HSD17B14: variants seen among roughly 807,000 people sequenced by gnomAD.
The protein encoded by HSD17B14 is L-fucose dehydrogenase.
In HSD17B14, 32 loss-of-function variants were observed where a neutral mutation model predicts 32.2. The ratio of observed to expected loss-of-function variants is 0.99; its 90% CI spans 0.75 to 1.33. The LOEUF (loss-of-function observed/expected upper bound fraction) is 1.33. Ranked by LOEUF, HSD17B14 falls within the 40% of genes most tolerant of loss-of-function variation. HSD17B14 has a pLI of 0.00. For synonymous variants in HSD17B14, 140 were observed against 155.4 expected, an observed-to-expected ratio of 0.90 and a Z score of 0.74; for missense variants, 370 against 366.5, an observed-to-expected ratio of 1.01 and a Z score of -0.08.
Position 48,813,096 on chromosome 19 carries a change from T to A in HSD17B14, c.*79A>T, listed in dbSNP as rs1200502249. The A allele has an allele frequency of 1.1e-6, 1 of 915,624 alleles. No individual in the cohort carries two copies. The highest frequency in any genetic ancestry group is 1.7e-5 in the African/African-American group (1 of 60,460). 56.7% of individuals were successfully genotyped at this position (915,624 alleles called of 1,614,324 possible). On this transcript the variant is annotated 3_prime_UTR_variant, in exon 9 of 9. Transcript: ENST00000263278. Reference sequence around the variant, plus strand: ...TAACTGGGCTTAGAGTCTAAGGGCTTGGGGGCTGCATCTGATACAGGTTGG... The same window carrying A: ...TAACTGGGCTTAGAGTCTAAGGGCTAGGGGGCTGCATCTGATACAGGTTGG...
At chr19:48,827,858 T>C (rs531274784) in intron 5 of HSD17B14, among the ~76,000 whole-genome samples, 3 of 135,318 alleles carry the variant, frequency 2.2e-5, no homozygotes, top group South Asian at 2.2e-4. Context: ...CTTTTTTTTT[T>C]CTTTTTTTTT....
rs756611067 is a variant in HSD17B14, at chr19:48,831,774, G to A, written c.278-15C>T. 32 of 1,473,946 alleles carry A rather than the reference G, an allele frequency of 2.2e-5. No individual in the cohort carries two copies. Among genetic ancestry groups the A allele is most frequent in the Admixed American group, 3.5e-5 (2 of 56,906 alleles). The allele number at this position is 1,473,946 out of a possible 1,614,324, so 91.3% of individuals were successfully genotyped here. On this transcript the variant is annotated splice_polypyrimidine_tract_variant and intron_variant, in intron 4 of 8. Coordinates refer to ENST00000263278, the MANE Select transcript of HSD17B14 (RefSeq NM_016246.3). ...TGGGGGTGGGTCTAAAGTGGGGGGT[G>A]AGAGAGAGAGGAAAAGTGACGGGGG...
chr19:48,820,395 GGGAGGT>G (rs2035126147), intron 5 of HSD17B14, among the ~76,000 whole-genome samples: 1 of 151,810 alleles, frequency 6.6e-6, no homozygotes, highest in African/African-American at 2.4e-5. Context: ...GCTTGAACCT[GGGAGGT>G]GGAGATTGCA....
intron 4 of HSD17B14, 106 bp from the exon 5 acceptor site, chr19:48,831,865 G>A (rs1358346858): frequency 4.4e-6 from 3 of 681,320 alleles, no homozygotes; most frequent in Admixed American, 2.5e-5. Flanking sequence ...GGATCATGAG[G>A]TCAGGAGTTC....
At chr19:48,824,264 TAAA>T (rs919674049) in intron 5 of HSD17B14, among the ~76,000 whole-genome samples, 1 of 136,362 alleles carries the variant, frequency 7.3e-6, no homozygotes. Context: ...CTACTGAAAC[TAAA>T]AAAAAAAAAA....
chr19:48,835,945 T>C (rs2035503211), intron 1 of HSD17B14, 102 bp from the exon 2 acceptor site: 2 of 1,023,620 alleles, frequency 2.0e-6, no homozygotes, highest in Non-Finnish European at 3.0e-6. Context: ...TCTCCCCTCG[T>C]GACCCCAGTC....
At chr19:48,834,514 A>AG (rs2035430543) in intron 2 of HSD17B14, among the ~76,000 whole-genome samples, 156 bp from the exon 3 acceptor site, 1 of 52,988 alleles carries the variant, frequency 1.9e-5, no homozygotes, top group Non-Finnish European at 3.1e-5. Flanking sequence ...GGGTCTGAGG[A>AG]AGTAGGGCCT....
rs769630741 is a variant in HSD17B14 at position 48,813,255 on chromosome 19, C to T, written c.733G>A (p.Val245Met). The change falls in exon 9 of 9, where the codon GTG becomes ATG. Residue 245 changes from valine (V) to methionine (M), a missense_variant. Coordinates refer to ENST00000263278, the MANE Select transcript of HSD17B14 (RefSeq NM_016246.3). Reference protein sequence around the residue: ...ANFCTGIELLVTGGAELGYGC... With the variant: ...ANFCTGIELLMTGGAELGYGC... ...TACCCCAGCTCTGCACCCCCCGTCACGAGCAGTTCAATGCCCGTGCAGAAG... is the reference window on the plus strand; with the variant it reads ...TACCCCAGCTCTGCACCCCCCGTCATGAGCAGTTCAATGCCCGTGCAGAAG... The T allele has an allele frequency of 3.7e-6, 6 of 1,608,654 alleles. No homozygotes were observed. The highest frequency in any genetic ancestry group is 3.4e-6 in the Non-Finnish European group (4 of 1,177,756).
chr19:48,823,967 C>T (rs2035200762), intron 5 of HSD17B14, among the ~76,000 whole-genome samples: 2 of 148,368 alleles, frequency 1.3e-5, no homozygotes, highest in African/African-American at 4.9e-5. Context: ...AAATGTTTAA[C>T]ATTGAGGCCA....
At chr19:48,834,581 T>C (rs1418583617) in intron 2 of HSD17B14, among the ~76,000 whole-genome samples, 1 of 65,328 alleles carries the variant, frequency 1.5e-5, no homozygotes, top group Non-Finnish European at 2.5e-5. Flanking sequence ...GACTCCTGGG[T>C]CCGAGGAAGT....
chr19:48,832,443 AAGTGAGGG>A (rs2035355128), intron 4 of HSD17B14, among the ~76,000 whole-genome samples: 1 of 152,108 alleles, frequency 6.6e-6, no homozygotes, highest in African/African-American at 2.4e-5. Context: ...AGACATGGCC[AAGTGAGGG>A]CACAGCCCTG....
At chr19:48,834,449 G>GGGGACTTGGATTC (rs1568525988) in intron 2 of HSD17B14, 91 bp from the exon 3 acceptor site, 1 of 691,340 alleles carries the variant, frequency 1.4e-6, no homozygotes, top group South Asian at 1.8e-5. Flanking sequence ...GGGAGGAGGT[G>GGGGACTTGGATTC]CTGGGGGCCT....
intron 5 of HSD17B14, among the ~76,000 whole-genome samples, chr19:48,826,099 C>T (rs1355510436): frequency 6.6e-6 from 1 of 151,888 alleles, no homozygotes; most frequent in Non-Finnish European, 1.5e-5. Context: ...GGATTACAGG[C>T]GTGAGCCACC....
intron 5 of HSD17B14, among the ~76,000 whole-genome samples, chr19:48,829,995 G>A (rs944816713): frequency 1.3e-5 from 2 of 149,788 alleles, no homozygotes; most frequent in African/African-American, 4.9e-5. Context: ...TTGAGACAAG[G>A]TCTCACTCTG....
intron 3 of HSD17B14, among the ~76,000 whole-genome samples, chr19:48,833,334 C>A (rs1487072309): frequency 6.6e-6 from 1 of 151,794 alleles, no homozygotes; most frequent in Non-Finnish European, 1.5e-5. Context: ...CCAAGGGGGG[C>A]AGATAACAGA....
At chr19:48,835,772 G>T in intron 2 of HSD17B14, 33 bp downstream of exon 2, 4 of 1,612,422 alleles carry the variant, frequency 2.5e-6, no homozygotes, top group Non-Finnish European at 3.4e-6. Flanking sequence ...AGGGAGGAAG[G>T]GCCAAGGTGA....
intron 1 of HSD17B14, 31 bp downstream of exon 1, chr19:48,836,293 C>A: frequency 6.2e-7 from 1 of 1,608,170 alleles, no homozygotes; most frequent in Non-Finnish European, 8.5e-7. Flanking sequence ...TTCTCACACT[C>A]CACAGCTCCC....
intron 5 of HSD17B14, among the ~76,000 whole-genome samples, chr19:48,829,734 C>A (rs981601877): frequency 1.3e-5 from 2 of 150,528 alleles, no homozygotes; most frequent in African/African-American, 4.9e-5. Context: ...ACCTCTGCCT[C>A]CCAGGTTCAA....
At chr19:48,813,641 C>G (rs1266901979) in intron 7 of HSD17B14, 22 bp downstream of exon 7, 1 of 1,613,932 alleles carries the variant, frequency 6.2e-7, no homozygotes, top group Non-Finnish European at 8.5e-7. Context: ...AGGAGGCTCT[C>G]CGCCTGCTCA....
Sources: gnomAD v4.1 joint callset for allele counts (sites outside exome capture counted in the v4.1 genomes callset) on GRCh38, gnomAD v4.1.1 for gene constraint, MANE v1.5 for transcripts, NCBI Gene and HGNC (gene_info 2026-07-23, HGNC 2026-07-21) for gene names.